Variants in CDKL4 observed in about 807,000 individuals in gnomAD.
CDKL4 encodes cyclin dependent kinase like 4, also known as cyclin-dependent kinase-like 4.
In CDKL4, 44 loss-of-function variants were observed where a neutral mutation model predicts 42.0. The ratio of observed to expected loss-of-function variants is 1.05; its 90% CI spans 0.82 to 1.35. CDKL4 has a LOEUF of 1.35. CDKL4 is among the 40% of genes most tolerant of loss of function. The pLI is 0.00. For synonymous variants in CDKL4, 120 were observed against 121.6 expected (o/e 0.99, Z 0.09); for missense variants, 393 against 369.9 (o/e 1.06, Z -0.51).
intron 5 of CDKL4, among the ~76,000 whole-genome samples, chr2:39,203,575 T>C (rs1326003460): frequency 6.6e-6 from 1 of 152,208 alleles, no homozygotes; most frequent in Non-Finnish European, 1.5e-5. Flanking sequence ...ATTTCCTGTA[T>C]AGTTGAGATC....
the CDKL4 span, among the ~76,000 whole-genome samples, chr2:39,169,762 G>A: frequency 6.6e-6 from 1 of 152,090 alleles, no homozygotes; most frequent in Admixed American, 6.6e-5. Flanking sequence ...CAGACCAAAT[G>A]ATTTTTCTAT....
chr2:39,196,634 G>A (rs968273710), intron 5 of CDKL4, among the ~76,000 whole-genome samples: 2 of 152,000 alleles, frequency 1.3e-5, no homozygotes, highest in Non-Finnish European at 1.5e-5. Flanking sequence ...TTGAGACGGA[G>A]TCTTGCTCTG....
chr2:39,186,208 G>C (rs1172182384), intron 7 of CDKL4, among the ~76,000 whole-genome samples: 1 of 152,006 alleles, frequency 6.6e-6, no homozygotes, highest in Non-Finnish European at 1.5e-5. Flanking sequence ...TTTGTTAAAG[G>C]CTTTAACAAA....
intron 8 of CDKL4, among the ~76,000 whole-genome samples, chr2:39,183,598 G>A (rs1675561277): frequency 6.6e-6 from 1 of 152,128 alleles, no homozygotes; most frequent in South Asian, 2.1e-4. Context: ...AGAATTCGTT[G>A]GGCTTGCAGT....
At chr2:39,231,521 T>G (rs186460167) in intron 1 of CDKL4, among the ~76,000 whole-genome samples, 1 of 152,342 alleles carries the variant, frequency 6.6e-6, no homozygotes, top group African/African-American at 2.4e-5. Context: ...GCTGCTTTTT[T>G]GAGGGGGAAT....
At position 39,190,463 on chromosome 2, in the gene CDKL4, C is replaced by T. The variant is rs904636655; in HGVS notation, c.494G>A (p.Trp165Ter). The change falls in exon 6 of 10, where the codon TGG (tryptophan) becomes TAG (stop). Residue 165 changes from tryptophan (W) to a stop codon, truncating the protein, a stop_gained. Transcript: ENST00000451199. LOFTEE classifies it high-confidence loss of function. ...CACAAGAAGTTCAGGAGCTCGGTACCATCTCGTAGCTACATAATCGGTGTA... is the reference window on the plus strand; with the variant it reads ...CACAAGAAGTTCAGGAGCTCGGTACTATCTCGTAGCTACATAATCGGTGTA... 6.2e-7 allele frequency: 1 copy of T among 1,614,074 alleles called. No individual in the cohort carries two copies. Among genetic ancestry groups the T allele is most frequent in the Admixed American group, 1.7e-5 (1 of 59,996 alleles).
chr2:39,186,417 T>G (rs1675831598), intron 7 of CDKL4, among the ~76,000 whole-genome samples: 1 of 152,118 alleles, frequency 6.6e-6, no homozygotes. Flanking sequence ...ATAGTTGGAG[T>G]GTGGACACAT....
rs115283971 is a variant in CDKL4 at position 39,228,869 on chromosome 2, A to G, written c.168+496T>C. On this transcript the variant is annotated intron_variant, in intron 2 of 9. Coordinates refer to ENST00000451199, the Ensembl canonical transcript of CDKL4. ...AAATCTTATCAGAGTGAAAACAATTATAACAAAAACCTTTATGTAAAAAAT... is the reference window on the plus strand; with the variant it reads ...AAATCTTATCAGAGTGAAAACAATTGTAACAAAAACCTTTATGTAAAAAAT... Among the ~76,000 whole-genome samples, 733 of 152,364 alleles carry G rather than the reference A, an allele frequency of 4.8e-3. 5 individuals are homozygous for G. The highest frequency in any genetic ancestry group is 0.024 in the Middle Eastern group (7 of 294).
chr2:39,221,001 G>GTTTTTTTTTT (rs1678311355), intron 3 of CDKL4, among the ~76,000 whole-genome samples: 2 of 78,802 alleles, frequency 2.5e-5, no homozygotes, highest in African/African-American at 4.7e-5. Context: ...TTTTTTTTTT[G>GTTTTTTTTTT]TTTTTTTTTT....
At chr2:39,227,526 G>A (rs1030800510) in intron 2 of CDKL4, among the ~76,000 whole-genome samples, 4 of 152,104 alleles carry the variant, frequency 2.6e-5, no homozygotes, top group South Asian at 4.1e-4. Context: ...CTAGGAGTTC[G>A]AGATCAGCCT....
intron 3 of CDKL4, among the ~76,000 whole-genome samples, chr2:39,221,015 TTTG>T (rs1678321750): frequency 7.9e-6 from 1 of 127,212 alleles, no homozygotes; most frequent in African/African-American, 3.1e-5. Flanking sequence ...TTTTTTTTGT[TTTG>T]TTTTTGTTTT....
intron 6 of CDKL4, among the ~76,000 whole-genome samples, chr2:39,189,659 T>C (rs1006417421): frequency 1.3e-5 from 2 of 152,236 alleles, no homozygotes; most frequent in African/African-American, 4.8e-5. Flanking sequence ...GAATTGGTTT[T>C]ACATTTTTAA....
downstream of CDKL4, among the ~76,000 whole-genome samples, chr2:39,174,332 G>A (rs542444631): frequency 7.2e-5 from 11 of 151,896 alleles, no homozygotes; most frequent in South Asian, 1.7e-3. Context: ...CTGGGGAGGT[G>A]GAGGTTGCAG....
intron 5 of CDKL4, 132 bp from the exon 6 acceptor site, chr2:39,190,634 C>T (rs1558551858): frequency 2.9e-6 from 2 of 691,724 alleles, no homozygotes; most frequent in Non-Finnish European, 4.9e-6. Flanking sequence ...TGCATTGAGG[C>T]ACTAATTGAG....
At chr2:39,232,678 G>A (rs888514051) in intron 1 of CDKL4, among the ~76,000 whole-genome samples, 4 of 151,984 alleles carry the variant, frequency 2.6e-5, no homozygotes, top group Non-Finnish European at 5.9e-5. Flanking sequence ...AAATCAACCA[G>A]GACAAATAAA....
At chr2:39,221,171 G>A (rs1420712693) in intron 3 of CDKL4, among the ~76,000 whole-genome samples, 3 of 150,984 alleles carry the variant, frequency 2.0e-5, no homozygotes, top group African/African-American at 7.3e-5. Context: ...CCGCCACCAC[G>A]CCTGGCTAAT....
At chr2:39,169,598 G>C in the CDKL4 span, among the ~76,000 whole-genome samples, 1 of 152,146 alleles carries the variant, frequency 6.6e-6, no homozygotes, top group Non-Finnish European at 1.5e-5. Context: ...CTTTAGAGTT[G>C]AAAGGGAGAC....
intron 1 of CDKL4, among the ~76,000 whole-genome samples, chr2:39,230,285 A>G (rs951812733): frequency 2.6e-5 from 4 of 152,218 alleles, no homozygotes; most frequent in African/African-American, 9.6e-5. Flanking sequence ...AGGCCCTTGA[A>G]CCCAGCTGAG....
intron 4 of CDKL4, among the ~76,000 whole-genome samples, chr2:39,210,027 G>A (rs961650352): frequency 7.2e-5 from 11 of 152,198 alleles, no homozygotes; most frequent in Admixed American, 3.9e-4. Flanking sequence ...TTGCTCTGTC[G>A]CCCAGGCTGG....
Sources: allele counts gnomAD v4.1 joint callset (sites outside exome capture counted in the v4.1 genomes callset), GRCh38; gene constraint gnomAD v4.1.1; transcripts MANE v1.5; gene names NCBI Gene and HGNC (gene_info 2026-07-23, HGNC 2026-07-21).